The following ARHGEF26 variants were observed in gnomAD, a reference collection of about 807,000 sequenced individuals.
ARHGEF26 encodes the protein Rho guanine nucleotide exchange factor 26, also known as Rho guanine nucleotide exchange factor (GEF) 26.
A neutral mutation model predicts 89.4 loss-of-function variants in ARHGEF26; 59 were observed. That is an observed-to-expected ratio of 0.66 (90% confidence interval 0.54 to 0.82). The LOEUF (loss-of-function observed/expected upper bound fraction) is 0.82, where lower values mean the gene tolerates loss of function less well. ARHGEF26 is among the 40% of genes least tolerant of loss of function. The pLI is 0.00. For synonymous variants in ARHGEF26, 500 were observed against 428.4 expected (o/e 1.17, Z -2.06); for missense variants, 1,234 against 1,085.6 (o/e 1.14, Z -1.92).
chr3:154,223,420 T>C (rs1716265458), intron 10 of ARHGEF26, among the ~76,000 whole-genome samples: 2 of 152,212 alleles, frequency 1.3e-5, no homozygotes, highest in Admixed American at 6.5e-5. Context: ...GGCAGCATTG[T>C]TCATAATAGC....
At chr3:154,190,835 CT>C (rs1436774033) in intron 7 of ARHGEF26, among the ~76,000 whole-genome samples, 8 of 152,178 alleles carry the variant, frequency 5.3e-5, no homozygotes, top group Admixed American at 1.3e-4. Context: ...GAAGTCCAGT[CT>C]AACTGTTAAT....
At chr3:154,215,101 A>G (rs1456627311) in intron 9 of ARHGEF26, among the ~76,000 whole-genome samples, 1 of 152,178 alleles carries the variant, frequency 6.6e-6, no homozygotes, top group Non-Finnish European at 1.5e-5. Context: ...CACCTGGAAT[A>G]CAATCCAGAC....
chr3:154,252,031 G>A (rs1159934667), intron 12 of ARHGEF26, among the ~76,000 whole-genome samples: 1 of 152,198 alleles, frequency 6.6e-6, no homozygotes, highest in African/African-American at 2.4e-5. Context: ...AGGGTGCTAT[G>A]TTCCAATGCG....
chr3:154,240,652 C>A, intron 12 of ARHGEF26, 73 bp downstream of exon 12: 1 of 1,384,190 alleles, frequency 7.2e-7, no homozygotes. Flanking sequence ...GGTTTACAGA[C>A]TTCCTAAAAA....
intron 7 of ARHGEF26, 111 bp downstream of exon 7, chr3:154,187,948 G>A: frequency 9.3e-7 from 1 of 1,076,946 alleles, no homozygotes; most frequent in Non-Finnish European, 1.3e-6. Context: ...CCTCCTGATA[G>A]GCTATTTCCC....
At chr3:154,150,021 G>A (rs1293284737) in intron 5 of ARHGEF26, among the ~76,000 whole-genome samples, 1 of 150,536 alleles carries the variant, frequency 6.6e-6, no homozygotes, top group East Asian at 2.0e-4. Flanking sequence ...ATATTGTGAA[G>A]CTCTCAAAGC....
intron 6 of ARHGEF26, among the ~76,000 whole-genome samples, chr3:154,168,031 C>T (rs954935421): frequency 1.3e-5 from 2 of 152,130 alleles, no homozygotes; most frequent in African/African-American, 4.8e-5. Flanking sequence ...ATTTATTTAT[C>T]TTAGTAAGCC....
intron 5 of ARHGEF26, among the ~76,000 whole-genome samples, chr3:154,150,057 A>ATT (rs1719927806): frequency 7.4e-6 from 1 of 134,598 alleles, no homozygotes; most frequent in Non-Finnish European, 1.5e-5. Flanking sequence ...CCTGCATATT[A>ATT]TTGTGTGTGT....
intron 4 of ARHGEF26, among the ~76,000 whole-genome samples, chr3:154,135,124 A>AT (rs931797689): frequency 5.9e-5 from 9 of 151,800 alleles, no homozygotes; most frequent in Non-Finnish European, 8.8e-5. Context: ...CTCTTCTCCA[A>AT]TTTTTTTTGG....
rs1026324479 is a variant in ARHGEF26, at chr3:154,252,168, A to G, written c.2301-948A>G. Among the ~76,000 whole-genome samples the G allele has an allele frequency of 2.6e-5, 4 of 152,142 alleles. No individual in the cohort carries two copies. In the East Asian group the frequency reaches 5.8e-4, roughly 22 times the overall value. ...TTTTTTTCCCCAGGTGTTGGTCATG[A>G]AGGCATTTTTTCTTAAGAATGTAGA... On this transcript the variant is annotated intron_variant, in intron 12 of 14. Coordinates refer to ENST00000465093, the MANE Select transcript of ARHGEF26 (RefSeq NM_015595.4).
chr3:154,193,897 C>T (rs761623635), intron 8 of ARHGEF26, among the ~76,000 whole-genome samples: 25 of 151,272 alleles, frequency 1.7e-4, no homozygotes, highest in Non-Finnish European at 2.8e-4. Context: ...TGCAATGGTG[C>T]GATCTCGGCT....
intron 4 of ARHGEF26, among the ~76,000 whole-genome samples, chr3:154,144,228 A>T (rs1719563600): frequency 6.6e-6 from 1 of 152,212 alleles, no homozygotes; most frequent in South Asian, 2.1e-4. Flanking sequence ...TTAAGAGCTC[A>T]GGCTTTGGGG....
chr3:154,152,981 A>G (rs1295826890), intron 6 of ARHGEF26, 49 bp downstream of exon 6: 16 of 1,425,442 alleles, frequency 1.1e-5, no homozygotes, highest in Non-Finnish European at 1.4e-5. Flanking sequence ...GTTGCGTACT[A>G]ATAAACACTT....
In ARHGEF26 at chr3:154,122,208, G is replaced by C. The variant is rs765745447; in HGVS notation, c.216G>C (p.Ser72=). 8 of 1,605,426 alleles carry C rather than the reference G, an allele frequency of 5.0e-6. No homozygotes were observed. Among genetic ancestry groups the C allele is most frequent in the Non-Finnish European group, 6.8e-6 (8 of 1,176,314 alleles). The part of the protein sequence containing the change: ...AQIPAQVPTA[S]DSRTVHRSPL... ...TTCCCGCCCAGGTGCCCACCGCCTC[G>C]GACAGCAGGACGGTACATAGGAGCC... is the stretch of plus-strand genomic sequence containing the variant. The change falls in exon 2 of 15, where the codon TCG becomes TCC. Residue 72 remains serine, a synonymous_variant. Transcript: ENST00000465093.
chr3:154,190,481 C>T (rs955926880), intron 7 of ARHGEF26, among the ~76,000 whole-genome samples: 3 of 152,168 alleles, frequency 2.0e-5, no homozygotes, highest in Admixed American at 6.5e-5. Flanking sequence ...GCACTCCAGC[C>T]TAGGTGATAG....
chr3:154,240,526 C>T lies in ARHGEF26; in HGVS notation c.2247C>T (p.Val749=). 1 of 1,613,158 alleles carries T rather than the reference C, an allele frequency of 6.2e-7. No individual in the cohort carries two copies. The highest frequency in any genetic ancestry group is 8.5e-7 in the Non-Finnish European group (1 of 1,179,500). The change falls in exon 12 of 15, where the codon GTC becomes GTT. Residue 749 remains valine, a synonymous_variant. Coordinates refer to ENST00000465093, the MANE Select transcript of ARHGEF26 (RefSeq NM_015595.4). ...CCAGTCACCTCTTTACTCTGACAGT[C>T]CTTAGTAACCACGCGAATGAGAAAG... is the stretch of plus-strand genomic sequence containing the variant. ...SSASHLFTLT[V]LSNHANEKVE...
chr3:154,133,840 A>G (rs1486191514), intron 4 of ARHGEF26, among the ~76,000 whole-genome samples: 1 of 152,044 alleles, frequency 6.6e-6, no homozygotes, highest in African/African-American at 2.4e-5. Flanking sequence ...AGCATGGAAT[A>G]TTTGTCCATT....
At chr3:154,125,236 A>C (rs1489192819) in intron 3 of ARHGEF26, among the ~76,000 whole-genome samples, 1 of 152,226 alleles carries the variant, frequency 6.6e-6, no homozygotes, top group Non-Finnish European at 1.5e-5. Flanking sequence ...GCAAATGTAC[A>C]ATCACCCAGA....
intron 11 of ARHGEF26, among the ~76,000 whole-genome samples, chr3:154,233,559 G>T (rs1553750854): frequency 6.6e-6 from 1 of 152,160 alleles, no homozygotes; most frequent in Non-Finnish European, 1.5e-5. Context: ...TACTGGGGGG[G>T]AATGTCAGAG....
Sources: allele counts gnomAD v4.1 joint callset (sites outside exome capture counted in the v4.1 genomes callset), GRCh38; gene constraint gnomAD v4.1.1; transcripts MANE v1.5; gene names NCBI Gene and HGNC (gene_info 2026-07-23, HGNC 2026-07-21).